Variants in TJP1 observed in about 807,000 individuals in gnomAD.
TJP1 encodes tight junction protein 1.
A neutral mutation model predicts 194.2 loss-of-function variants in TJP1; 43 were observed. The observed-to-expected ratio is 0.22, with a 90% CI of 0.17 to 0.29. TJP1 has a LOEUF of 0.29. Ranked by LOEUF, TJP1 falls within the 10% of genes least tolerant of loss-of-function variation. The pLI, the probability that TJP1 is intolerant of heterozygous loss-of-function variation, is 1.00. For missense variants in TJP1, 1,971 were observed against 2,185.7 expected (o/e 0.90, Z 1.96); for synonymous variants, 801 against 779.0 (o/e 1.03, Z -0.47).
chr15:29,795,705 C>A (rs2151846322), intron 2 of TJP1, among the ~76,000 whole-genome samples: 1 of 152,110 alleles, frequency 6.6e-6, no homozygotes, highest in East Asian at 1.9e-4. Flanking sequence ...GATACCAAAA[C>A]CAGATATAAA....
At chr15:29,865,968 T>C (rs2052288659) in intron 2 of TJP1, among the ~76,000 whole-genome samples, 1 of 152,214 alleles carries the variant, frequency 6.6e-6, no homozygotes, top group Non-Finnish European at 1.5e-5. Context: ...AGAAGCTTTC[T>C]GCCCTTGATT....
intron 5 of TJP1, among the ~76,000 whole-genome samples, chr15:29,763,837 G>A (rs2151552244): frequency 6.6e-6 from 1 of 151,718 alleles, no homozygotes; most frequent in Non-Finnish European, 1.5e-5. Flanking sequence ...AGTACTCACA[G>A]CCAGAAATAG....
At chr15:29,746,961 C>G (rs1340587603) in intron 8 of TJP1, among the ~76,000 whole-genome samples, 1 of 149,680 alleles carries the variant, frequency 6.7e-6, no homozygotes, top group Non-Finnish European at 1.5e-5. Flanking sequence ...GGATGAGCTA[C>G]TTTTAAATTG....
chr15:29,731,079 CTT>C (rs202239834), intron 15 of TJP1: 27,730 of 575,926 alleles, frequency 0.048, 538 homozygotes, highest in Non-Finnish European at 0.055. Context: ...TTTTGTTTTA[CTT>C]TTTTTTTTTT....
At chr15:29,908,947 G>A (rs912714777) in intron 2 of TJP1, among the ~76,000 whole-genome samples, 2 of 152,218 alleles carry the variant, frequency 1.3e-5, no homozygotes, top group Non-Finnish European at 2.9e-5. Context: ...GAGATCAGGA[G>A]ATCGAGAACA....
At chr15:29,856,326 T>C (rs1194641565) in intron 2 of TJP1, among the ~76,000 whole-genome samples, 3 of 152,146 alleles carry the variant, frequency 2.0e-5, no homozygotes, top group East Asian at 1.9e-4. Context: ...CTTGAAAACA[T>C]TCTACTAAGT....
At chr15:29,862,251 A>C (rs1449900760) in intron 2 of TJP1, among the ~76,000 whole-genome samples, 1 of 152,206 alleles carries the variant, frequency 6.6e-6, no homozygotes, top group African/African-American at 2.4e-5. Context: ...ATAACAACAA[A>C]AAAAGAACAT....
intron 2 of TJP1, among the ~76,000 whole-genome samples, chr15:29,923,570 T>TTATA (rs1158800091): frequency 6.6e-6 from 1 of 152,146 alleles, no homozygotes; most frequent in African/African-American, 2.4e-5. Flanking sequence ...GGACCATATA[T>TTATA]TATATGATTC....
At position 29,801,049 on chromosome 15, in the gene TJP1, A is replaced by G. The variant is rs539968798; in HGVS notation, c.28-347T>C. On this transcript the variant is annotated intron_variant, in intron 1 of 27. Transcript: ENST00000614355. ...TTAAAATATCTAATGGCACGTAAACATTTAAAAGCATCTCTTATGTTTTAC... is the reference window on the plus strand; with the variant it reads ...TTAAAATATCTAATGGCACGTAAACGTTTAAAAGCATCTCTTATGTTTTAC... Among the ~76,000 whole-genome samples the G allele has an allele frequency of 3.3e-5, 5 of 152,354 alleles. No homozygotes were observed. In the East Asian group the frequency reaches 9.6e-4, roughly 29 times the overall value.
intron 2 of TJP1, among the ~76,000 whole-genome samples, chr15:29,890,536 C>G (rs2053269195): frequency 1.3e-5 from 2 of 152,000 alleles, no homozygotes; most frequent in Non-Finnish European, 2.9e-5. Context: ...GAAATGGAAG[C>G]CAGAGGAATG....
intron 2 of TJP1, among the ~76,000 whole-genome samples, chr15:29,854,900 GAAAAAAAAAGGTTAGA>G (rs970745117): frequency 8.7e-5 from 13 of 149,404 alleles, no homozygotes; most frequent in African/African-American, 3.2e-4. Flanking sequence ...TTGAGGAGGG[GAAAAAAAAAGGTTAGA>G]AACAACTAAC....
chr15:29,784,454 C>G (rs2047570468), intron 2 of TJP1, among the ~76,000 whole-genome samples: 1 of 152,100 alleles, frequency 6.6e-6, no homozygotes, highest in South Asian at 2.1e-4. Flanking sequence ...TGCCCACCAC[C>G]AAGCCTGGCT....
intron 8 of TJP1, among the ~76,000 whole-genome samples, chr15:29,747,454 C>A (rs1262234988): frequency 1.3e-5 from 2 of 151,932 alleles, no homozygotes; most frequent in African/African-American, 4.8e-5. Flanking sequence ...AGTAAATTAT[C>A]CCTGCATTGT....
chr15:29,939,935 C>T (rs577845193), intron 2 of TJP1, among the ~76,000 whole-genome samples: 1 of 152,232 alleles, frequency 6.6e-6, no homozygotes, highest in Admixed American at 6.5e-5. Context: ...ACCCCCCAAC[C>T]CCCCAGTTTA....
intron 2 of TJP1, among the ~76,000 whole-genome samples, chr15:29,877,601 T>A (rs1483564772): frequency 1.3e-5 from 2 of 151,764 alleles, no homozygotes; most frequent in African/African-American, 4.8e-5. Context: ...CCTTTCTCCT[T>A]CCTTCCTTCC....
In TJP1 at chr15:29,822,291, C is replaced by G; in HGVS notation, c.-263G>C. ...GAGCGCGGCCACCCACTCGGCCTCC[C>G]GCAGCTTTCGCAGCCCGGCCACGTC... On this transcript the variant is annotated 5_prime_UTR_variant, in exon 1 of 28. Coordinates refer to ENST00000614355, the MANE Select transcript of TJP1 (RefSeq NM_001330239.4). The G allele has an allele frequency of 8.8e-7, 1 of 1,131,596 alleles. No individual in the cohort carries two copies. Among genetic ancestry groups the G allele is most frequent in the Non-Finnish European group, 1.1e-6 (1 of 923,264 alleles). The allele number at this position is 1,131,596 out of a possible 1,614,324, so 70.1% of individuals were successfully genotyped here.
At position 29,738,556 on chromosome 15, in the gene TJP1, C is replaced by T. The variant is rs116065426; in HGVS notation, c.1257-1142G>A. ...GAGCCTGAGAAATCAGATGAGGTCTCTCACTGGCTGGTGGCATCCTTGATC... is the reference window on the plus strand; with the variant it reads ...GAGCCTGAGAAATCAGATGAGGTCTTTCACTGGCTGGTGGCATCCTTGATC... On this transcript the variant is annotated intron_variant, in intron 10 of 27. Coordinates refer to ENST00000614355, the MANE Select transcript of TJP1 (RefSeq NM_001330239.4). 5.0e-3 allele frequency among the ~76,000 whole-genome samples: 763 copies of T among 152,184 alleles called. 6 individuals are homozygous for T. The highest frequency in any genetic ancestry group is 0.017 in the African/African-American group (708 of 41,522).
chr15:29,721,059 A>G (rs957252709), intron 18 of TJP1, among the ~76,000 whole-genome samples: 5 of 152,208 alleles, frequency 3.3e-5, no homozygotes, highest in Non-Finnish European at 5.9e-5. Context: ...GAAGAGGGAG[A>G]ATGTTACCAA....
In TJP1 at chr15:29,808,329, T is replaced by A. The variant is rs45537837; in HGVS notation, c.28-7627A>T. ...TACACTGTTAGAAGTTGGGACAGGG[T>A]TACCTTTGTGTATGAAGTAACTCGA... On this transcript the variant is annotated intron_variant, in intron 1 of 27. Transcript: ENST00000614355. Among the ~76,000 whole-genome samples, 1,346 of 152,248 alleles carry A rather than the reference T, an allele frequency of 8.8e-3. 8 individuals are homozygous for A. Among genetic ancestry groups the A allele is most frequent in the Non-Finnish European group, 0.014 (961 of 68,018 alleles).
Sources: gnomAD v4.1 joint callset for allele counts (sites outside exome capture counted in the v4.1 genomes callset) on GRCh38, gnomAD v4.1.1 for gene constraint, MANE v1.5 for transcripts, NCBI Gene and HGNC (gene_info 2026-07-23, HGNC 2026-07-21) for gene names.